GLUL: variants seen among roughly 807,000 people sequenced by gnomAD.
The protein encoded by GLUL is glutamine synthetase.
In GLUL, 8 loss-of-function variants were observed where a neutral mutation model predicts 36.9. That is an observed-to-expected ratio of 0.22 (90% CI 0.13 to 0.39). GLUL has a LOEUF of 0.39. Ranked by LOEUF, GLUL falls within the 10% of genes least tolerant of loss-of-function variation. The pLI, the probability that GLUL is intolerant of heterozygous loss-of-function variation, is 1.00. For missense variants in GLUL, 315 were observed against 501.8 expected (o/e 0.63, Z 3.56); for synonymous variants, 182 against 172.8 (o/e 1.05, Z -0.42).
At chr1:182,390,443 A>G (rs3895340) in intron 1 of GLUL, 1 of 398,304 alleles carries the variant, frequency 2.5e-6, no homozygotes, top group Admixed American at 4.4e-5. Flanking sequence ...AGTTTTCAGC[A>G]GTTTCTGCAG....
rs552886531 is a variant in GLUL at position 182,378,715 on chromosome 1, A to G, written c.*5690T>C. On this transcript the variant is annotated 3_prime_UTR_variant, in exon 7 of 7. Coordinates refer to ENST00000331872, the MANE Select transcript of GLUL (RefSeq NM_001033044.4). ...GTGTACATATATGCATATTCTCACA[A>G]ATATGGTATACATTTATATTATGCA... 2.2e-4 allele frequency among the ~76,000 whole-genome samples: 34 copies of G among 152,334 alleles called. No homozygotes were observed. Among genetic ancestry groups the G allele is most frequent in the African/African-American group, 8.2e-4 (34 of 41,562 alleles).
At position 182,378,879 on chromosome 1, in the gene GLUL, G is replaced by A. The variant is rs1184363617; in HGVS notation, c.*5526C>T. 6.6e-6 allele frequency among the ~76,000 whole-genome samples: 1 copy of A among 152,118 alleles called. No individual in the cohort carries two copies. The highest frequency in any genetic ancestry group is 1.5e-5 in the Non-Finnish European group (1 of 68,032). On this transcript the variant is annotated 3_prime_UTR_variant, in exon 7 of 7. Coordinates refer to ENST00000331872, the MANE Select transcript of GLUL (RefSeq NM_001033044.4). ...TGCAACCTCCGGCTCTTGGGCTCAA[G>A]CGATTCTCCTGCCTCAGCCTGCCAC... is the stretch of plus-strand genomic sequence containing the variant.
chr1:182,387,898 T>A (rs1448244000), intron 2 of GLUL, among the ~76,000 whole-genome samples: 1 of 152,184 alleles, frequency 6.6e-6, no homozygotes, highest in African/African-American at 2.4e-5. Context: ...AAGTACACAA[T>A]ATAGGCTTTG....
intron 6 of GLUL, chr1:182,384,964 G>C: frequency 1.9e-6 from 1 of 539,148 alleles, no homozygotes; most frequent in Non-Finnish European, 3.3e-6. Context: ...TTATCCACAT[G>C]CCTGTATTGT....
chr1:182,389,164 A>T (rs1293874676), intron 1 of GLUL: 1 of 234,272 alleles, frequency 4.3e-6, no homozygotes, highest in Non-Finnish European at 8.7e-6. Flanking sequence ...GGTTAACACT[A>T]AACTATCCAA....
chr1:182,391,206 A>G (rs1650403073), intron 1 of GLUL: 3 of 398,482 alleles, frequency 7.5e-6, no homozygotes, highest in Non-Finnish European at 1.3e-5. Flanking sequence ...CGTCTCAACC[A>G]TCGCCAGAAC....
At chr1:182,387,087 T>G (rs1223063989) in intron 3 of GLUL, 44 bp downstream of exon 3, 1 of 1,480,502 alleles carries the variant, frequency 6.8e-7, no homozygotes. Flanking sequence ...CTTCACAGCA[T>G]TCACAGATTG....
At position 182,381,372 on chromosome 1, in the gene GLUL, G is replaced by A. The variant is rs543419897; in HGVS notation, c.*3033C>T. On this transcript the variant is annotated 3_prime_UTR_variant, in exon 7 of 7. Transcript: ENST00000331872. ...TTAGTACCTGGCAAGATGATATTAG[G>A]GGAACTCATATTTAAGGAGTTCATG... Among the ~76,000 whole-genome samples the A allele has an allele frequency of 1.3e-5, 2 of 152,224 alleles. No homozygotes were observed. The highest frequency in any genetic ancestry group is 3.9e-4 in the East Asian group (2 of 5,184).
chr1:182,390,800 T>A (rs1650380639), intron 1 of GLUL: 3 of 399,036 alleles, frequency 7.5e-6, no homozygotes, highest in African/African-American at 6.2e-5. Flanking sequence ...GTTGTCTTCA[T>A]AATTTTCATT....
Position 182,380,509 on chromosome 1 carries a change from C to A in GLUL, c.*3896G>T, listed in dbSNP as rs149848439. On this transcript the variant is annotated 3_prime_UTR_variant, in exon 7 of 7. Coordinates refer to ENST00000331872, the MANE Select transcript of GLUL (RefSeq NM_001033044.4). ...CTGGACCTCACTACATTGCCTAGAACGGTCTCAAACTCCTGGGCTCAAGAG... is the reference window on the plus strand; with the variant it reads ...CTGGACCTCACTACATTGCCTAGAAAGGTCTCAAACTCCTGGGCTCAAGAG... Among the ~76,000 whole-genome samples the A allele has an allele frequency of 6.6e-6, 1 of 152,068 alleles. No individual in the cohort carries two copies. The highest frequency in any genetic ancestry group is 6.6e-5 in the Admixed American group (1 of 15,266).
intron 2 of GLUL, 148 bp downstream of exon 2, chr1:182,388,424 T>C (rs912236390): frequency 9.6e-6 from 7 of 732,650 alleles, no homozygotes; most frequent in Middle Eastern, 3.6e-4. Flanking sequence ...GAGCTTAATG[T>C]TGACTGAATA....
At chr1:182,387,974 C>T (rs1485254596) in intron 2 of GLUL, among the ~76,000 whole-genome samples, 4 of 152,182 alleles carry the variant, frequency 2.6e-5, no homozygotes, top group African/African-American at 9.7e-5. Flanking sequence ...GGATATGATA[C>T]TTTCCTCTGG....
At chr1:182,386,069 C>T (rs1345391333) in intron 4 of GLUL, 182 bp from the exon 5 acceptor site, 7 of 865,276 alleles carry the variant, frequency 8.1e-6, no homozygotes, top group Non-Finnish European at 1.2e-5. Context: ...TGGGGCCAAA[C>T]GTTCCCCCTA....
chr1:182,390,998 G>A (rs1650390873), intron 1 of GLUL: 3 of 395,310 alleles, frequency 7.6e-6, no homozygotes, highest in Non-Finnish European at 1.3e-5. Context: ...CCGCCGAGGG[G>A]TTGGGGGGTC....
rs1649998997 is a variant in GLUL at position 182,382,920 on chromosome 1, C to T, written c.*1485G>A. 1 of 152,106 alleles carries T rather than the reference C, an allele frequency of 6.6e-6. No individual in the cohort carries two copies. Among genetic ancestry groups the T allele is most frequent in the Non-Finnish European group, 1.5e-5 (1 of 68,038 alleles). 9.4% of individuals were successfully genotyped at this position (152,106 alleles called of 1,614,324 possible). A position where few individuals can be genotyped will look rare whatever the true frequency, so the allele number is the denominator to read the frequency against. ...CTTATGTTAGGCTGATTTATAAGTG[C>T]TGCTTTGGGCAGTTACACAGTTTGT... On this transcript the variant is annotated 3_prime_UTR_variant, in exon 7 of 7. Transcript: ENST00000331872.
Position 182,387,291 on chromosome 1 carries a change from C to G in GLUL, c.168G>C (p.Glu56Asp). Reference protein sequence around the residue: ...TLDSEPKCVEELPEWNFDGSS... With the variant: ...TLDSEPKCVEDLPEWNFDGSS... The stretch of plus-strand genomic sequence containing the variant: ...AGCCATCGAAATTCCACTCAGGCAA[C>G]TCTGGGGCAAAAAGAGGGAAAATTA... The change falls in exon 3 of 7, where the codon GAG (glutamate) becomes GAC (aspartate). Residue 56 changes from glutamate to aspartate, a missense_variant and splice_region_variant. Physicochemically the swap from Glu to Asp is conservative, Grantham distance 45. This residue lies in a region of GLUL where 256 missense variants were observed against 396.1 expected (regional missense o/e 0.65). Coordinates refer to ENST00000331872, the MANE Select transcript of GLUL (RefSeq NM_001033044.4). 6.2e-7 allele frequency: 1 copy of G among 1,611,784 alleles called. No individual in the cohort carries two copies. The highest frequency in any genetic ancestry group is 8.5e-7 in the Non-Finnish European group (1 of 1,177,904).
Position 182,382,900 on chromosome 1 carries a change from G to A in GLUL, c.*1505C>T, listed in dbSNP as rs1649998160. ...CACAAACACATCAGAGAGATCTTATGTTAGGCTGATTTATAAGTGCTGCTT... is the reference window on the plus strand; with the variant it reads ...CACAAACACATCAGAGAGATCTTATATTAGGCTGATTTATAAGTGCTGCTT... On this transcript the variant is annotated 3_prime_UTR_variant, in exon 7 of 7. Transcript: ENST00000331872. 6.6e-6 allele frequency: 1 copy of A among 152,182 alleles called. No individual in the cohort carries two copies. Among genetic ancestry groups the A allele is most frequent in the Non-Finnish European group, 1.5e-5 (1 of 68,028 alleles). 9.4% of individuals were successfully genotyped at this position (152,182 alleles called of 1,614,324 possible). A position where few individuals can be genotyped will look rare whatever the true frequency, so the allele number is the denominator to read the frequency against.
chr1:182,387,057 C>G, intron 3 of GLUL, 74 bp downstream of exon 3: 4 of 1,179,978 alleles, frequency 3.4e-6, no homozygotes, highest in African/African-American at 1.5e-5. Flanking sequence ...ATGCTGATTT[C>G]AGAATGTCTT....
intron 4 of GLUL, 44 bp from the exon 5 acceptor site, chr1:182,385,931 G>A: frequency 1.3e-6 from 2 of 1,599,620 alleles, no homozygotes; most frequent in Non-Finnish European, 1.7e-6. Flanking sequence ...AAGAAATCCA[G>A]AGAATCCCAA....
Sources: allele counts gnomAD v4.1 joint callset (sites outside exome capture counted in the v4.1 genomes callset), GRCh38; gene constraint gnomAD v4.1.1; regional missense constraint gnomAD v4.1.1; transcripts MANE v1.5; gene names NCBI Gene and HGNC (gene_info 2026-07-23, HGNC 2026-07-21).